The following GRM3 variants were observed in gnomAD, a reference collection of about 807,000 sequenced individuals.
GRM3 encodes glutamate metabotropic receptor 3.
In GRM3, 26 loss-of-function variants were observed where a neutral mutation model predicts 70.5. The ratio of observed to expected loss-of-function variants is 0.37; its 90% CI spans 0.27 to 0.51. The LOEUF is 0.51. Ranked by LOEUF, GRM3 falls within the 20% of genes least tolerant of loss-of-function variation. GRM3 has a pLI of 0.93. For missense variants in GRM3, 859 were observed against 1,123.8 expected, an observed-to-expected ratio of 0.76 and a Z score of 3.37; for synonymous variants, 443 against 434.9, an observed-to-expected ratio of 1.02 and a Z score of -0.23.
chr7:86,774,384 A>C (rs973490372), intron 2 of GRM3, among the ~76,000 whole-genome samples: 2 of 152,116 alleles, frequency 1.3e-5, no homozygotes, highest in African/African-American at 4.8e-5. Context: ...AACTCCAAAC[A>C]AACGATCCTC....
intron 3 of GRM3, among the ~76,000 whole-genome samples, chr7:86,796,466 C>G (rs899301593): frequency 1.3e-5 from 2 of 152,068 alleles, no homozygotes; most frequent in African/African-American, 2.4e-5. Context: ...GTTACAGTAG[C>G]CTTGTTGTAT....
At chr7:86,776,480 C>A (rs529543638) in intron 2 of GRM3, among the ~76,000 whole-genome samples, 20 of 151,950 alleles carry the variant, frequency 1.3e-4, no homozygotes, top group Non-Finnish European at 1.9e-4. Context: ...GGTGAATATA[C>A]CTTTGCCCTA....
intron 3 of GRM3, among the ~76,000 whole-genome samples, chr7:86,825,674 C>T (rs933971347): frequency 8.5e-5 from 13 of 152,148 alleles, no homozygotes; most frequent in African/African-American, 2.7e-4. Context: ...TGCTTGTCTT[C>T]GGAAAGTTCA....
chr7:86,671,708 T>C (rs956009077), intron 1 of GRM3, among the ~76,000 whole-genome samples: 37 of 152,212 alleles, frequency 2.4e-4, no homozygotes, highest in African/African-American at 8.9e-4. Context: ...CAACTGCTCA[T>C]CAACTACCTG....
chr7:86,761,858 T>C (rs1159214191), intron 1 of GRM3, among the ~76,000 whole-genome samples: 1 of 152,178 alleles, frequency 6.6e-6, no homozygotes, highest in East Asian at 1.9e-4. Context: ...TAATGCTGTG[T>C]TTCATTTGAA....
At chr7:86,791,953 A>T (rs1797430100) in intron 3 of GRM3, among the ~76,000 whole-genome samples, 1 of 152,206 alleles carries the variant, frequency 6.6e-6, no homozygotes, top group Non-Finnish European at 1.5e-5. Flanking sequence ...GTCATCCAGA[A>T]TCCTAAAGTA....
intron 3 of GRM3, among the ~76,000 whole-genome samples, chr7:86,827,583 G>A (rs1380823647): frequency 6.6e-6 from 1 of 151,052 alleles, no homozygotes; most frequent in African/African-American, 2.4e-5. Context: ...GCCCTATCTC[G>A]GCTCATTGCA....
At chr7:86,666,657 C>A (rs1468093479) in intron 1 of GRM3, among the ~76,000 whole-genome samples, 5 of 151,694 alleles carry the variant, frequency 3.3e-5, no homozygotes. Context: ...CTAATGAATT[C>A]TAGGATCCAA....
intron 1 of GRM3, among the ~76,000 whole-genome samples, chr7:86,697,619 T>C (rs60389009): frequency 0.019 from 2,881 of 152,240 alleles, 93 homozygotes; most frequent in African/African-American, 0.066. Flanking sequence ...TTTTCAGAAA[T>C]GTTGACATAA....
chr7:86,831,448 T>C (rs1562877246), intron 3 of GRM3, among the ~76,000 whole-genome samples: 1 of 152,086 alleles, frequency 6.6e-6, no homozygotes, highest in Non-Finnish European at 1.5e-5. Flanking sequence ...AAAAATGTGA[T>C]AGTATCTGTA....
chr7:86,811,498 G>C (rs1242507317), intron 3 of GRM3, among the ~76,000 whole-genome samples: 1 of 151,774 alleles, frequency 6.6e-6, no homozygotes, highest in African/African-American at 2.4e-5. Context: ...TAGATGAATA[G>C]AGATGCAGCA....
intron 1 of GRM3, among the ~76,000 whole-genome samples, chr7:86,746,351 A>ATAAAAT (rs1270508678): frequency 7.3e-6 from 1 of 137,440 alleles, no homozygotes; most frequent in Admixed American, 7.2e-5. Context: ...TTATATATAT[A>ATAAAAT]TATATATATA....
intron 5 of GRM3, among the ~76,000 whole-genome samples, chr7:86,851,385 A>G (rs1285972447): frequency 2.0e-5 from 3 of 152,306 alleles, no homozygotes; most frequent in Non-Finnish European, 4.4e-5. Context: ...AGTTCTCTAA[A>G]GCACAAATGT....
At chr7:86,669,086 C>T (rs1794105788) in intron 1 of GRM3, among the ~76,000 whole-genome samples, 1 of 152,140 alleles carries the variant, frequency 6.6e-6, no homozygotes, top group South Asian at 2.1e-4. Flanking sequence ...CCATGTCTTC[C>T]TCAAGCAACC....
At chr7:86,735,473 G>A (rs942844995) in intron 1 of GRM3, among the ~76,000 whole-genome samples, 4 of 152,108 alleles carry the variant, frequency 2.6e-5, no homozygotes, top group Non-Finnish European at 5.9e-5. Context: ...TATCTCCATT[G>A]TTAAATATTT....
Position 86,786,550 on chromosome 7 carries a change from G to T in GRM3, c.758G>T (p.Arg253Leu), listed in dbSNP as rs1410689172. 3 of 1,613,920 alleles carry T rather than the reference G, an allele frequency of 1.9e-6. No individual in the cohort carries two copies. Among genetic ancestry groups the T allele is most frequent in the African/African-American group, 1.3e-5 (1 of 74,956 alleles). ...TAEKVGRSNIRKSYDSVIREL... is the reference protein window; with the variant it reads ...TAEKVGRSNILKSYDSVIREL... ...GAGAAGGTGGGCCGCTCCAACATCC[G>T]CAAGTCCTACGACAGCGTGATCCGA... Residue 253 changes from arginine (R) to leucine (L), a missense_variant, in exon 3 of 6, where the codon CGC becomes CTC. Coordinates refer to ENST00000361669, the MANE Select transcript of GRM3 (RefSeq NM_000840.3). The surrounding 1 kb of genome is among the most constrained non-coding windows in gnomAD (Gnocchi z 6.0).
At chr7:86,694,929 C>T (rs1388084628) in intron 1 of GRM3, among the ~76,000 whole-genome samples, 3 of 152,154 alleles carry the variant, frequency 2.0e-5, no homozygotes, top group South Asian at 4.1e-4. Flanking sequence ...TTTCAGAGCA[C>T]TTCTGTTGGG....
intron 5 of GRM3, among the ~76,000 whole-genome samples, chr7:86,859,830 C>T (rs1004167521): frequency 1.3e-5 from 2 of 152,044 alleles, no homozygotes; most frequent in Admixed American, 1.3e-4. Flanking sequence ...TCTGGCTAGC[C>T]CATGCATTAC....
intron 1 of GRM3, among the ~76,000 whole-genome samples, chr7:86,719,135 A>G (rs975389480): frequency 9.9e-5 from 15 of 152,006 alleles, no homozygotes; most frequent in African/African-American, 2.7e-4. Flanking sequence ...GGGGAAAAAA[A>G]AGATGTAGTG....
Sources: gnomAD v4.1 joint callset for allele counts (sites outside exome capture counted in the v4.1 genomes callset) on GRCh38, gnomAD v4.1.1 for gene constraint, Gnocchi (gnomAD v3.1) non-coding constraint, MANE v1.5 for transcripts, NCBI Gene and HGNC (gene_info 2026-07-23, HGNC 2026-07-21) for gene names.